Variants in GIGYF1 observed in about 807,000 individuals in gnomAD.
The protein encoded by GIGYF1 is GRB10-interacting GYF protein 1.
Under a neutral mutation model 147.1 loss-of-function variants are expected in GIGYF1, and 84 were observed. The observed-to-expected ratio is 0.57, with a 90% confidence interval of 0.48 to 0.68. The LOEUF (loss-of-function observed/expected upper bound fraction) is 0.68. GIGYF1 is among the 30% of genes least tolerant of loss of function. GIGYF1 has a pLI of 0.00. For synonymous variants in GIGYF1, 752 were observed against 589.5 expected, an observed-to-expected ratio of 1.28 and a Z score of -3.99; for missense variants, 1,485 against 1,393.7, an observed-to-expected ratio of 1.07 and a Z score of -1.04.
intron 8 of GIGYF1, 97 bp downstream of exon 8, chr7:100,687,201 G>A: frequency 6.9e-7 from 1 of 1,453,094 alleles, no homozygotes; most frequent in East Asian, 2.3e-5. Flanking sequence ...CTCGGACAGG[G>A]CTTATCTGGT....
Position 100,688,518 on chromosome 7 carries a change from G to T in GIGYF1, c.-134-3C>A. 1.5e-6 allele frequency: 1 copy of T among 665,986 alleles called. No homozygotes were observed. Among genetic ancestry groups the T allele is most frequent in the Non-Finnish European group, 2.8e-6 (1 of 361,636 alleles). The allele number at this position is 665,986 out of a possible 1,614,324, so 41.3% of individuals were successfully genotyped here. On this transcript the variant is annotated splice_region_variant and splice_polypyrimidine_tract_variant and intron_variant, in intron 2 of 26. Transcript: ENST00000678049. The stretch of plus-strand genomic sequence containing the variant: ...GATGAGTCCAGACGGTGAAAGACCT[G>T]GGGGAGGCGAGGAGATGGGAAGCTC...
In GIGYF1 at chr7:100,685,160, G is replaced by A. The variant is rs1805195834; in HGVS notation, c.1193-14C>T. ...CCCGAATATCATCTGGAAGGCATGA[G>A]ATAGGAGGTGGAAAGAAGGGCGGGG... On this transcript the variant is annotated splice_polypyrimidine_tract_variant and intron_variant, in intron 13 of 26. Coordinates refer to ENST00000678049, the MANE Select transcript of GIGYF1 (RefSeq NM_001375765.1). 5 of 1,569,176 alleles carry A rather than the reference G, an allele frequency of 3.2e-6. No homozygotes were observed. Among genetic ancestry groups the A allele is most frequent in the Admixed American group, 3.7e-5 (2 of 54,370 alleles).
rs1804575254 is a variant in GIGYF1 at position 100,680,010 on chromosome 7, AAC to A, written c.*1707_*1708del. On this transcript the variant is annotated 3_prime_UTR_variant, in exon 27 of 27. Transcript: ENST00000678049. ...GGGGAGCTGGGGGCCAGCAGCAGCA[AAC>A]ACTCCCCCCGGCCCGTCACCCCTTA... The A allele has an allele frequency of 1.3e-5, 2 of 152,652 alleles. No homozygotes were observed. The highest frequency in any genetic ancestry group is 4.8e-5 in the African/African-American group (2 of 41,348). The allele number at this position is 152,652 out of a possible 1,614,324, so 9.5% of individuals were successfully genotyped here. A position where few individuals can be genotyped will look rare whatever the true frequency, so the allele number is the denominator to read the frequency against.
At position 100,683,696 on chromosome 7, in the gene GIGYF1, G is replaced by A. The variant is rs543056325; in HGVS notation, c.1970-64C>T. 7 of 1,565,108 alleles carry A rather than the reference G, an allele frequency of 4.5e-6. No individual in the cohort carries two copies. In the South Asian group the frequency reaches 6.7e-5, roughly 15 times the overall value. ...CACTTGGGCCCACTGATCTAGTCCA[G>A]CCGCAGCAGTGGGCTCCCCAGCCAG... On this transcript the variant is annotated intron_variant, in intron 19 of 26. Coordinates refer to ENST00000678049, the MANE Select transcript of GIGYF1 (RefSeq NM_001375765.1).
Position 100,685,067 on chromosome 7 carries a change from G to A in GIGYF1, c.1272C>T (p.Gly424=). ...GPPGDLEDDE[G]LKHLQQEAEK... is the part of the protein sequence containing the mutation. ...CCCACACCTGCTGCAGGTGCTTCAA[G>A]CCTTCATCATCCTCCAGATCTCCGG... Residue 424 remains glycine (G), a synonymous_variant, in exon 14 of 27, where the codon GGC becomes GGT. Transcript: ENST00000678049. 1 of 1,572,232 alleles carries A rather than the reference G, an allele frequency of 6.4e-7. No individual in the cohort carries two copies. Among genetic ancestry groups the A allele is most frequent in the Non-Finnish European group, 8.6e-7 (1 of 1,157,754 alleles).
Position 100,682,497 on chromosome 7 carries a change from T to G in GIGYF1, c.2601-15A>C, listed in dbSNP as rs765669320. Reference sequence around the variant, plus strand: ...TGTATGAGTCACTGAAGGGGGAGGGTGAGTCAGGGTTGGAAATCAGCTGGC... The same window carrying G: ...TGTATGAGTCACTGAAGGGGGAGGGGGAGTCAGGGTTGGAAATCAGCTGGC... On this transcript the variant is annotated splice_polypyrimidine_tract_variant and intron_variant, in intron 23 of 26. Coordinates refer to ENST00000678049, the MANE Select transcript of GIGYF1 (RefSeq NM_001375765.1). The G allele has an allele frequency of 1.8e-5, 29 of 1,608,802 alleles. No homozygotes were observed. The highest frequency in any genetic ancestry group is 2.5e-5 in the Non-Finnish European group (29 of 1,179,512).
At position 100,684,837 on chromosome 7, in the gene GIGYF1, T is replaced by G. The variant is rs1805161899; in HGVS notation, c.1348A>C (p.Thr450Pro). ...AGGCCCTGGGTCTGCATGGCAGCCGTGAACTGCTCCTCCTCCAAGGAGCTG... is the reference window on the plus strand; with the variant it reads ...AGGCCCTGGGTCTGCATGGCAGCCGGGAACTGCTCCTCCTCCAAGGAGCTG... Reference protein sequence around the residue: ...QDSSLEEEQFTAAMQTQGLRH... With the variant: ...QDSSLEEEQFPAAMQTQGLRH... The change falls in exon 15 of 27, where the codon ACG (threonine) becomes CCG (proline). Residue 450 changes from threonine to proline, a missense_variant. Thr to Pro is a conservative substitution (Grantham distance 38, BLOSUM62 -1). Coordinates refer to ENST00000678049, the MANE Select transcript of GIGYF1 (RefSeq NM_001375765.1). 6.2e-7 allele frequency: 1 copy of G among 1,607,228 alleles called. No homozygotes were observed. Among genetic ancestry groups the G allele is most frequent in the Non-Finnish European group, 8.5e-7 (1 of 1,176,382 alleles).
chr7:100,682,757 A>T lies in GIGYF1; in HGVS notation c.2433T>A (p.Thr811=). The T allele has an allele frequency of 6.5e-7, 1 of 1,534,134 alleles. No individual in the cohort carries two copies. ...CAGACACCCACTGGTTCAGGGGGGC[A>T]GTGCCCAGGCCCCCAAGCTGCTACA... ...NHRVQLGGLG[T]APLNQWVSEA... is the part of the protein sequence containing the mutation. Residue 811 remains threonine (T), a synonymous_variant, in exon 23 of 27, where the codon ACT becomes ACA. Transcript: ENST00000678049.
chr7:100,684,793 G>C lies in GIGYF1; in HGVS notation c.1392C>G (p.Ala464=). 1 of 1,611,622 alleles carries C rather than the reference G, an allele frequency of 6.2e-7. No homozygotes were observed. Among genetic ancestry groups the C allele is most frequent in the Non-Finnish European group, 8.5e-7 (1 of 1,179,200 alleles). Residue 464 remains alanine, a synonymous_variant, in exon 15 of 27, where the codon GCC becomes GCG. Transcript: ENST00000678049. ...QTQGLRHSAA[A]TALPLSHGAA... ...CCCCATGGCTGAGCGGGAGGGCAGT[G>C]GCGGCTGCAGAGTGGCGCAGGCCCT...
rs374354211 is a variant in GIGYF1, at chr7:100,681,838, C to G, written c.3055+26G>C. ...TCCTCCTGCCCTGTGCCAAGGAAGT[C>G]CCGCTCCTGCCCCAGCCCAGCTCAC... On this transcript the variant is annotated intron_variant, in intron 26 of 26. Coordinates refer to ENST00000678049, the MANE Select transcript of GIGYF1 (RefSeq NM_001375765.1). 5 of 1,609,872 alleles carry G rather than the reference C, an allele frequency of 3.1e-6. No individual in the cohort carries two copies. In the African/African-American group the frequency reaches 5.3e-5, roughly 17 times the overall value.
rs775639748 is a variant in GIGYF1, at chr7:100,684,835, C to T, written c.1350G>A (p.Thr450=). The T allele has an allele frequency of 3.5e-5, 57 of 1,607,504 alleles. 1 individual carries two copies. The Admixed American group carries it at 6.6e-4, about 18-fold the overall frequency. The stretch of plus-strand genomic sequence containing the variant: ...GCAGGCCCTGGGTCTGCATGGCAGC[C>T]GTGAACTGCTCCTCCTCCAAGGAGC... The part of the protein sequence containing the change: ...QDSSLEEEQF[T]AAMQTQGLRH... The change falls in exon 15 of 27, where the codon ACG becomes ACA. Residue 450 remains threonine, a synonymous_variant. Transcript: ENST00000678049.
At chr7:100,685,908 G>C (rs1805277287) in intron 12 of GIGYF1, 66 bp downstream of exon 12, 7 of 1,382,212 alleles carry the variant, frequency 5.1e-6, no homozygotes, top group Non-Finnish European at 6.1e-6. Context: ...CCAATGCCCA[G>C]CCCGGCAAAG....
rs908071780 is a variant in GIGYF1 at position 100,681,514 on chromosome 7, AAT to A, written c.*203_*204del. Reference sequence around the variant, plus strand: ...TCAGTCGTTTAAAATTAAAAAAAAAAATAAAAAGAAAAACCCCCTCCCCCAGT... The same window carrying A: ...TCAGTCGTTTAAAATTAAAAAAAAAAAAAAAGAAAAACCCCCTCCCCCAGT... On this transcript the variant is annotated 3_prime_UTR_variant, in exon 27 of 27. Transcript: ENST00000678049. The A allele has an allele frequency of 7.1e-5, 30 of 422,778 alleles. No homozygotes were observed. The highest frequency in any genetic ancestry group is 5.1e-4 in the African/African-American group (25 of 48,862). 26.2% of individuals were successfully genotyped at this position (422,778 alleles called of 1,614,324 possible).
intron 11 of GIGYF1, 45 bp downstream of exon 11, chr7:100,686,135 G>C: frequency 1.9e-6 from 3 of 1,601,282 alleles, no homozygotes; most frequent in Middle Eastern, 1.9e-4. Flanking sequence ...GGGAGGAAGA[G>C]GACCCCGGAA....
At chr7:100,691,156 C>CA (rs1191633292) in intron 1 of GIGYF1, among the ~76,000 whole-genome samples, 4 of 152,222 alleles carry the variant, frequency 2.6e-5, no homozygotes, top group Admixed American at 6.5e-5. Context: ...TCCCACCCTC[C>CA]AACAGGTTCT....
At chr7:100,687,122 T>A in intron 8 of GIGYF1, 76 bp from the exon 9 acceptor site, 4 of 1,586,516 alleles carry the variant, frequency 2.5e-6, no homozygotes, top group East Asian at 2.2e-5. Flanking sequence ...CCATGCCTTG[T>A]CCACTGTGCC....
chr7:100,687,409 A>G lies in GIGYF1; in HGVS notation c.374-3T>C, dbSNP rs1285662098. 1.2e-6 allele frequency: 2 copies of G among 1,612,978 alleles called. No individual in the cohort carries two copies. The highest frequency in any genetic ancestry group is 1.3e-5 in the African/African-American group (1 of 74,936). ...GCAGCTGTCACCACGGCCGCGGCCT[A>G]GAGAAGAGGCCAGACGCACAATGAA... On this transcript the variant is annotated splice_region_variant and splice_polypyrimidine_tract_variant and intron_variant, in intron 7 of 26. Transcript: ENST00000678049.
At position 100,691,307 on chromosome 7, in the gene GIGYF1, T is replaced by C. The variant is rs376750885; in HGVS notation, c.-1098-1752A>G. On this transcript the variant is annotated intron_variant, in intron 1 of 26. Coordinates refer to ENST00000678049, the MANE Select transcript of GIGYF1 (RefSeq NM_001375765.1). ...CTCCAGATACCAAGTGCGCCAGTGCTGAGACACCCTCCTCTGCGCCACGAG... is the reference window on the plus strand; with the variant it reads ...CTCCAGATACCAAGTGCGCCAGTGCCGAGACACCCTCCTCTGCGCCACGAG... Among the ~76,000 whole-genome samples, 39 of 152,256 alleles carry C rather than the reference T, an allele frequency of 2.6e-4. No homozygotes were observed. In the East Asian group the frequency reaches 3.9e-3, roughly 15 times the overall value.
chr7:100,693,040 G>A (rs960983971), intron 1 of GIGYF1, among the ~76,000 whole-genome samples: 2 of 152,052 alleles, frequency 1.3e-5, no homozygotes, highest in East Asian at 3.9e-4. Context: ...CTTCTATATA[G>A]ACTCGAAGAG....
Sources: gnomAD v4.1 joint callset for allele counts (sites outside exome capture counted in the v4.1 genomes callset) on GRCh38, gnomAD v4.1.1 for gene constraint, MANE v1.5 for transcripts, NCBI Gene and HGNC (gene_info 2026-07-23, HGNC 2026-07-21) for gene names.